ANTXR1: variants seen among roughly 807,000 people sequenced by gnomAD.
The protein encoded by ANTXR1 is anthrax toxin receptor 1.
In ANTXR1, 19 loss-of-function variants were observed where a neutral mutation model predicts 78.1. That is an observed-to-expected ratio of 0.24 (90% CI 0.17 to 0.36). ANTXR1 has a LOEUF of 0.36. ANTXR1 is among the 10% of genes least tolerant of loss of function. The pLI is 1.00. For missense variants in ANTXR1, 518 were observed against 718.6 expected, an observed-to-expected ratio of 0.72 and a Z score of 3.19; for synonymous variants, 273 against 260.5, an observed-to-expected ratio of 1.05 and a Z score of -0.46.
Position 69,193,355 on chromosome 2 carries a change from G to T in ANTXR1, c.1374G>T (p.Trp458Cys). ...TTCAGGGAAAACTCGATGCCTTGTGGGTCCTACTGAGGAAAGGATATGATC... is the reference window on the plus strand; with the variant it reads ...TTCAGGGAAAACTCGATGCCTTGTGTGTCCTACTGAGGAAAGGATATGATC... ...SPIKGKLDAL[W>C]VLLRKGYDRV... Residue 458 changes from tryptophan (W) to cysteine (C), a missense_variant, in exon 17 of 18, where the codon TGG becomes TGT. Coordinates refer to ENST00000303714, the MANE Select transcript of ANTXR1 (RefSeq NM_032208.3). 1 of 1,613,632 alleles carries T rather than the reference G, an allele frequency of 6.2e-7. No individual in the cohort carries two copies. The highest frequency in any genetic ancestry group is 8.5e-7 in the Non-Finnish European group (1 of 1,179,850).
intron 3 of ANTXR1, among the ~76,000 whole-genome samples, chr2:69,057,481 G>A (rs1326042893): frequency 6.6e-6 from 1 of 152,112 alleles, no homozygotes; most frequent in Non-Finnish European, 1.5e-5. Context: ...ATGGTGATCT[G>A]TGATCAGTCA....
chr2:69,108,165 T>C (rs1671870746), intron 10 of ANTXR1, among the ~76,000 whole-genome samples: 2 of 152,218 alleles, frequency 1.3e-5, no homozygotes, highest in South Asian at 4.1e-4. Context: ...TAAATGTAAA[T>C]AGCCACAATG....
intron 14 of ANTXR1, among the ~76,000 whole-genome samples, chr2:69,173,364 T>A (rs1674040557): frequency 6.6e-6 from 1 of 152,196 alleles, no homozygotes. Context: ...TCAGTTTCCA[T>A]CTTTCAGTTC....
chr2:69,206,720 A>G (rs1164323464), intron 17 of ANTXR1, among the ~76,000 whole-genome samples: 1 of 152,164 alleles, frequency 6.6e-6, no homozygotes, highest in Non-Finnish European at 1.5e-5. Context: ...GCTTGTAAAC[A>G]ATAAGCACAC....
At chr2:69,104,374 CT>C (rs1671737264) in intron 10 of ANTXR1, among the ~76,000 whole-genome samples, 1 of 152,212 alleles carries the variant, frequency 6.6e-6, no homozygotes, top group African/African-American at 2.4e-5. Flanking sequence ...TCACAAACAT[CT>C]GGAATTCCTG....
chr2:69,115,214 T>G (rs1672104505), intron 10 of ANTXR1, among the ~76,000 whole-genome samples: 1 of 152,182 alleles, frequency 6.6e-6, no homozygotes, highest in African/African-American at 2.4e-5. Flanking sequence ...CAACCCCCAT[T>G]TGAGAACACT....
chr2:69,050,500 C>T (rs980378980), intron 3 of ANTXR1, among the ~76,000 whole-genome samples: 4 of 148,122 alleles, frequency 2.7e-5, no homozygotes, highest in African/African-American at 8.0e-5. Context: ...TGGGAGTAAA[C>T]GGATTACATG....
Position 69,245,791 on chromosome 2 carries a change from G to T in ANTXR1, c.*306G>T. ...ACAGGATTATGTCTCATGGAGACCAGTAAGAAAATCATTTATCTGAAGGTG... is the reference window on the plus strand; with the variant it reads ...ACAGGATTATGTCTCATGGAGACCATTAAGAAAATCATTTATCTGAAGGTG... On this transcript the variant is annotated 3_prime_UTR_variant, in exon 18 of 18. Coordinates refer to ENST00000303714, the MANE Select transcript of ANTXR1 (RefSeq NM_032208.3). 3.2e-6 allele frequency: 1 copy of T among 309,858 alleles called. No individual in the cohort carries two copies. The highest frequency in any genetic ancestry group is 5.9e-6 in the Non-Finnish European group (1 of 168,262). The allele number at this position is 309,858 out of a possible 1,614,324, so 19.2% of individuals were successfully genotyped here.
At position 69,152,195 on chromosome 2, in the gene ANTXR1, C is replaced by T. The variant is rs138571613; in HGVS notation, c.978C>T (p.Ala326=). ...CTGACGGTTCCATCCTGGCCATCGC[C>T]CTGCTGATCCTGTTCCTGCTCCTAG... The part of the protein sequence containing the change: ...HCSDGSILAI[A]LLILFLLLAL... The change falls in exon 13 of 18, where the codon GCC becomes GCT. Residue 326 remains alanine (A), a synonymous_variant. Transcript: ENST00000303714. The T allele has an allele frequency of 1.6e-4, 258 of 1,614,156 alleles. No homozygotes were observed. The Middle Eastern group carries it at 2.5e-3, about 15-fold the overall frequency.
chr2:69,091,849 C>G (rs1671250895), intron 9 of ANTXR1, among the ~76,000 whole-genome samples: 1 of 152,210 alleles, frequency 6.6e-6, no homozygotes, highest in Non-Finnish European at 1.5e-5. Flanking sequence ...TTTTCTCTAA[C>G]TGATCAAAAT....
chr2:69,135,783 G>T (rs1413196497), intron 12 of ANTXR1, among the ~76,000 whole-genome samples: 2 of 152,012 alleles, frequency 1.3e-5, no homozygotes, highest in Non-Finnish European at 2.9e-5. Flanking sequence ...CACCATCACA[G>T]GAGGTTTCTA....
chr2:69,063,450 C>A (rs1317275302), intron 3 of ANTXR1, among the ~76,000 whole-genome samples: 1 of 151,684 alleles, frequency 6.6e-6, no homozygotes, highest in African/African-American at 2.4e-5. Flanking sequence ...CAGAATTAGA[C>A]ATTTTCAGAA....
intron 17 of ANTXR1, among the ~76,000 whole-genome samples, chr2:69,235,599 C>T (rs185615910): frequency 1.4e-5 from 2 of 142,474 alleles, no homozygotes; most frequent in Admixed American, 1.5e-4. Context: ...TTGCAGTGAG[C>T]TGAGATCACA....
chr2:69,248,481 T>C lies in ANTXR1; in HGVS notation c.*2996T>C, dbSNP rs1316865683. ...AAGAACCTTGATAAGAACCATATTCTGTTGACAGCCAGCTCACAGTTTCTT... is the reference window on the plus strand; with the variant it reads ...AAGAACCTTGATAAGAACCATATTCCGTTGACAGCCAGCTCACAGTTTCTT... On this transcript the variant is annotated 3_prime_UTR_variant, in exon 18 of 18. Transcript: ENST00000303714. 1 of 152,708 alleles carries C rather than the reference T, an allele frequency of 6.5e-6. No individual in the cohort carries two copies. The highest frequency in any genetic ancestry group is 1.5e-5 in the Non-Finnish European group (1 of 68,032). 9.5% of individuals were successfully genotyped at this position (152,708 alleles called of 1,614,324 possible).
At chr2:69,138,562 G>T (rs1304383263) in intron 12 of ANTXR1, among the ~76,000 whole-genome samples, 1 of 152,194 alleles carries the variant, frequency 6.6e-6, no homozygotes. Context: ...TTGCAAAGCA[G>T]CCATCTTCTC....
At chr2:69,017,692 T>C (rs1376213700) in intron 1 of ANTXR1, among the ~76,000 whole-genome samples, 1 of 152,210 alleles carries the variant, frequency 6.6e-6, no homozygotes, top group Admixed American at 6.5e-5. Context: ...TGGAATTTCA[T>C]GTTCACTTAA....
intron 17 of ANTXR1, among the ~76,000 whole-genome samples, chr2:69,213,315 T>C (rs899182040): frequency 6.6e-6 from 1 of 152,142 alleles, no homozygotes; most frequent in Non-Finnish European, 1.5e-5. Flanking sequence ...GCGCTGCTTC[T>C]CATGGCTGGG....
rs1047122314 is a variant in ANTXR1, at chr2:69,249,019, C to T, written c.*3534C>T. The T allele has an allele frequency of 6.6e-6, 1 of 152,174 alleles. No individual in the cohort carries two copies. Among genetic ancestry groups the T allele is most frequent in the African/African-American group, 2.4e-5 (1 of 41,440 alleles). The allele number at this position is 152,174 out of a possible 1,614,324, so 9.4% of individuals were successfully genotyped here. A position where few individuals can be genotyped will look rare whatever the true frequency, so the allele number is the denominator to read the frequency against. ...TAACTTTCTTCTTTCTGTGATAATT[C>T]AGAAGATAGTTATGGATCTTCAATG... is the stretch of plus-strand genomic sequence containing the variant. On this transcript the variant is annotated 3_prime_UTR_variant, in exon 18 of 18. Coordinates refer to ENST00000303714, the MANE Select transcript of ANTXR1 (RefSeq NM_032208.3).
At chr2:69,124,058 G>C (rs1672445821) in intron 11 of ANTXR1, among the ~76,000 whole-genome samples, 1 of 152,216 alleles carries the variant, frequency 6.6e-6, no homozygotes, top group African/African-American at 2.4e-5. Context: ...GAGTGTCTTA[G>C]AGTGGGAAGA....
Sources: gnomAD v4.1 joint callset for allele counts (sites outside exome capture counted in the v4.1 genomes callset) on GRCh38, gnomAD v4.1.1 for gene constraint, MANE v1.5 for transcripts, NCBI Gene and HGNC (gene_info 2026-07-23, HGNC 2026-07-21) for gene names.